MAGI2: variants seen among roughly 807,000 people sequenced by gnomAD.
MAGI2 encodes membrane-associated guanylate kinase, WW and PDZ domain-containing protein 2.
Under a neutral mutation model 133.3 loss-of-function variants are expected in MAGI2, and 35 were observed. The observed-to-expected ratio is 0.26, with a 90% CI of 0.20 to 0.35. The LOEUF is 0.35. Among genes scored for constraint, MAGI2 ranks in the 10% least tolerant of loss-of-function variants. MAGI2 has a pLI of 1.00. For missense variants in MAGI2, 1,636 were observed against 1,863.4 expected, an observed-to-expected ratio of 0.88 and a Z score of 2.25; for synonymous variants, 729 against 710.6, an observed-to-expected ratio of 1.03 and a Z score of -0.41.
At position 78,576,667 on chromosome 7, in the gene MAGI2, A is replaced by G. The variant is rs142358163; in HGVS notation, c.538+50453T>C. 4.8e-4 allele frequency among the ~76,000 whole-genome samples: 73 copies of G among 152,260 alleles called. 1 individual carries two copies. Among genetic ancestry groups the G allele is most frequent in the African/African-American group, 1.7e-3 (71 of 41,550 alleles). On this transcript the variant is annotated intron_variant, in intron 3 of 21. Coordinates refer to ENST00000354212, the MANE Select transcript of MAGI2 (RefSeq NM_012301.4). ...GGCCTTGCTGGGTTTCCTTCAATTT[A>G]TTATCATTAAATCATCCCCTTTTGT...
chr7:79,273,078 A>G (rs1834991781), intron 1 of MAGI2, among the ~76,000 whole-genome samples: 1 of 152,098 alleles, frequency 6.6e-6, no homozygotes, highest in Non-Finnish European at 1.5e-5. Context: ...GGCTCAGGCA[A>G]GCCAATTCAG....
chr7:78,447,418 G>A (rs1449290682), intron 6 of MAGI2, among the ~76,000 whole-genome samples: 1 of 151,222 alleles, frequency 6.6e-6, no homozygotes, highest in Non-Finnish European at 1.5e-5. Flanking sequence ...ATATAAAATG[G>A]CGATAATTTT....
chr7:78,666,289 C>G (rs1344745363), intron 2 of MAGI2, among the ~76,000 whole-genome samples: 2 of 151,992 alleles, frequency 1.3e-5, no homozygotes, highest in East Asian at 3.9e-4. Flanking sequence ...ATAAAGAATT[C>G]AAAAAGACAG....
At chr7:78,718,738 A>T (rs1819967011) in intron 2 of MAGI2, among the ~76,000 whole-genome samples, 1 of 152,056 alleles carries the variant, frequency 6.6e-6, no homozygotes, top group Non-Finnish European at 1.5e-5. Flanking sequence ...CAATAAATGT[A>T]GTGTGCTTGA....
intron 10 of MAGI2, among the ~76,000 whole-genome samples, chr7:78,211,585 T>C (rs1170072083): frequency 6.6e-6 from 1 of 152,238 alleles, no homozygotes. Flanking sequence ...GAGGCTCAGA[T>C]TCTTTTTTCT....
In MAGI2 at chr7:78,256,471, A is replaced by G. The variant is rs1254352376; in HGVS notation, c.1519T>C (p.Cys507Arg). ...TCAAAGGGCAAAGGGTAGCCACGAC[A>G]CAACACCAGGTTGACACTCTGACCA... ...PIGQSVNLVLCRGYPLPFDPE... is the reference protein window; with the variant it reads ...PIGQSVNLVLRRGYPLPFDPE... The change falls in exon 10 of 22, where the codon TGT becomes CGT. Residue 507 changes from cysteine to arginine, a missense_variant. Cys to Arg is a radical substitution (Grantham distance 180). Transcript: ENST00000354212. 4 of 1,613,844 alleles carry G rather than the reference A, an allele frequency of 2.5e-6. No individual in the cohort carries two copies. Among genetic ancestry groups the G allele is most frequent in the Non-Finnish European group, 3.4e-6 (4 of 1,179,964 alleles).
chr7:78,921,322 T>C (rs990914787), intron 2 of MAGI2, among the ~76,000 whole-genome samples: 2 of 152,200 alleles, frequency 1.3e-5, no homozygotes, highest in African/African-American at 4.8e-5. Context: ...AAAAATGGCT[T>C]CTTGACTTTA....
intron 10 of MAGI2, among the ~76,000 whole-genome samples, chr7:78,203,114 C>T (rs114830923): frequency 0.015 from 2,263 of 152,198 alleles, 57 homozygotes; most frequent in African/African-American, 0.044. Flanking sequence ...AGCACTTTTG[C>T]GAAAAGATGT....
intron 2 of MAGI2, among the ~76,000 whole-genome samples, chr7:78,934,330 C>T (rs1181395565): frequency 6.6e-6 from 1 of 152,170 alleles, no homozygotes; most frequent in East Asian, 1.9e-4. Context: ...GCTCAAACTG[C>T]TGACCTCAGT....
At chr7:78,627,514 T>C (rs1190111381) in intron 2 of MAGI2, among the ~76,000 whole-genome samples, 1 of 152,174 alleles carries the variant, frequency 6.6e-6, no homozygotes, top group African/African-American at 2.4e-5. Context: ...ATTCAGAACA[T>C]TGTGCCCTTT....
At chr7:78,464,750 C>A (rs1171643666) in intron 6 of MAGI2, among the ~76,000 whole-genome samples, 3 of 139,330 alleles carry the variant, frequency 2.2e-5, no homozygotes, top group Admixed American at 7.2e-5. Context: ...TTTTTTTTTA[C>A]AACAAATACA....
chr7:79,384,628 T>C (rs146083139), intron 1 of MAGI2, among the ~76,000 whole-genome samples: 110 of 151,738 alleles, frequency 7.2e-4, no homozygotes, highest in African/African-American at 2.6e-3. Context: ...TCACTTGTGG[T>C]GATGGTTTCA....
chr7:79,155,614 A>T (rs950573956), intron 1 of MAGI2, among the ~76,000 whole-genome samples: 8 of 152,136 alleles, frequency 5.3e-5, no homozygotes, highest in Non-Finnish European at 7.4e-5. Context: ...GGTGAGATCT[A>T]AGAAAAAGGC....
At chr7:78,318,415 G>T (rs1259518687) in intron 9 of MAGI2, among the ~76,000 whole-genome samples, 1 of 152,116 alleles carries the variant, frequency 6.6e-6, no homozygotes, top group Non-Finnish European at 1.5e-5. Flanking sequence ...GAGAAGACAA[G>T]ATTAGAGAAA....
intron 10 of MAGI2, among the ~76,000 whole-genome samples, chr7:78,227,710 T>C (rs1789530858): frequency 6.6e-6 from 1 of 152,144 alleles, no homozygotes; most frequent in Non-Finnish European, 1.5e-5. Flanking sequence ...ATGAGTGAAA[T>C]AGAAAAATAT....
intron 4 of MAGI2, chr7:78,518,484 A>T (rs1423561025): frequency 6.6e-6 from 1 of 152,200 alleles, no homozygotes; most frequent in African/African-American, 2.4e-5. Context: ...ACTAATACCT[A>T]TAATGAGGTT....
chr7:79,000,271 A>G (rs753954205), intron 2 of MAGI2: 4 of 152,104 alleles, frequency 2.6e-5, no homozygotes, highest in Non-Finnish European at 5.9e-5. Flanking sequence ...TTTTTTGGTG[A>G]TCTAATCCAC....
chr7:79,444,763 T>C (rs1177854189), intron 1 of MAGI2, among the ~76,000 whole-genome samples: 2 of 152,120 alleles, frequency 1.3e-5, no homozygotes, highest in African/African-American at 4.8e-5. Context: ...GATTCAATGC[T>C]ATCCCCACCA....
At chr7:78,725,883 T>C (rs971220973) in intron 2 of MAGI2, among the ~76,000 whole-genome samples, 25 of 152,208 alleles carry the variant, frequency 1.6e-4, no homozygotes, top group African/African-American at 5.1e-4. Context: ...GACCCAGCTC[T>C]TTTATTAGTT....
Sources: gnomAD v4.1 joint callset for allele counts (sites outside exome capture counted in the v4.1 genomes callset) on GRCh38, gnomAD v4.1.1 for gene constraint, MANE v1.5 for transcripts, NCBI Gene and HGNC (gene_info 2026-07-23, HGNC 2026-07-21) for gene names.